Variants in RASAL1 observed in about 807,000 individuals in gnomAD.
RASAL1 encodes rasGAP-activating-like protein 1.
Under a neutral mutation model 96.6 loss-of-function variants are expected in RASAL1, and 72 were observed. That is an observed-to-expected ratio of 0.75 (90% CI 0.62 to 0.91). The LOEUF is 0.91. Ranked by LOEUF, RASAL1 falls within the 40% of genes least tolerant of loss-of-function variation. The pLI is 0.00. For missense variants in RASAL1, 1,016 were observed against 1,072.5 expected, an observed-to-expected ratio of 0.95 and a Z score of 0.74; for synonymous variants, 405 against 430.4, an observed-to-expected ratio of 0.94 and a Z score of 0.73.
At position 113,121,670 on chromosome 12, in the gene RASAL1, C is replaced by T. The variant is rs545413885; in HGVS notation, c.299-32G>A. ...GGCACAGGCACTAACATTTATGAAG[C>T]GCCTACCATGTACTGGGCATTGTGT... On this transcript the variant is annotated intron_variant, in intron 4 of 20. Transcript: ENST00000548055. 41 of 1,612,244 alleles carry T rather than the reference C, an allele frequency of 2.5e-5. No homozygotes were observed. The African/African-American group carries it at 2.9e-4, about 12-fold the overall frequency.
intron 4 of RASAL1, among the ~76,000 whole-genome samples, chr12:113,125,554 T>C (rs2136231733): frequency 6.6e-6 from 1 of 152,352 alleles, no homozygotes; most frequent in Admixed American, 6.5e-5. Context: ...ATATTTCACC[T>C]ATCAGATACA....
At chr12:113,102,050 C>A in intron 18 of RASAL1, 41 bp from the exon 19 acceptor site, 1 of 1,595,478 alleles carries the variant, frequency 6.3e-7, no homozygotes, top group South Asian at 1.1e-5. Context: ...CTCCCTCTCC[C>A]CTTCCAGAAG....
chr12:113,135,306 T>A lies in RASAL1; in HGVS notation c.65+92A>T, dbSNP rs1371946626. On this transcript the variant is annotated intron_variant, in intron 1 of 20. Coordinates refer to ENST00000548055, the MANE Select transcript of RASAL1 (RefSeq NM_001301202.2). This position sits in a 1 kb window ranked among gnomAD's most constrained non-coding sequence, Gnocchi z 5.7. ...CTTGGACAAGAACCCCTCGCCCTCC[T>A]GCCAACCCGCCCTGGCACGCGGAAA... 6.2e-6 allele frequency: 8 copies of A among 1,280,206 alleles called. No homozygotes were observed. Among genetic ancestry groups the A allele is most frequent in the Non-Finnish European group, 8.8e-6 (8 of 912,642 alleles). The allele number at this position is 1,280,206 out of a possible 1,614,324, so 79.3% of individuals were successfully genotyped here. A position where few individuals can be genotyped will look rare whatever the true frequency, so the allele number is the denominator to read the frequency against.
Position 113,099,934 on chromosome 12 carries a change from G to T in RASAL1, c.2413C>A (p.Pro805Thr). Reference sequence around the variant, plus strand: ...GGGCTAGCTCTGGCATTTCCTTAGGGGCCAAGGGGGCCCAGGGCCGCCTTC... The same window carrying T: ...GGGCTAGCTCTGGCATTTCCTTAGGTGCCAAGGGGGCCCAGGGCCGCCTTC... ...RGKAALGPLGP is the reference protein window; with the variant it reads ...RGKAALGPLGT The change falls in exon 21 of 21, where the codon CCC becomes ACC. Residue 805 changes from proline to threonine, a missense_variant. By Grantham distance (38) the Pro-to-Thr change is conservative. Transcript: ENST00000548055. 1 of 1,611,204 alleles carries T rather than the reference G, an allele frequency of 6.2e-7. No individual in the cohort carries two copies. Among genetic ancestry groups the T allele is most frequent in the South Asian group, 1.1e-5 (1 of 90,924 alleles).
rs1951639445 is a variant in RASAL1 at position 113,129,960 on chromosome 12, A to T, written c.122+925T>A. Reference sequence around the variant, plus strand: ...TGTGGGTTTGGGGTGGTGTCAGGGAATGTATCAAGGGGCCAGCATGAGCAC... The same window carrying T: ...TGTGGGTTTGGGGTGGTGTCAGGGATTGTATCAAGGGGCCAGCATGAGCAC... On this transcript the variant is annotated intron_variant, in intron 2 of 20. Transcript: ENST00000548055. This position sits in a 1 kb window ranked among gnomAD's most constrained non-coding sequence, Gnocchi z 5.0. Among the ~76,000 whole-genome samples the T allele has an allele frequency of 6.6e-6, 1 of 152,164 alleles. No homozygotes were observed. Among genetic ancestry groups the T allele is most frequent in the African/African-American group, 2.4e-5 (1 of 41,446 alleles).
chr12:113,119,478 G>A (rs367591172), intron 5 of RASAL1, 35 bp from the exon 6 acceptor site: 26 of 1,569,714 alleles, frequency 1.7e-5, no homozygotes, highest in East Asian at 2.3e-5. Context: ...GAGGAAACAC[G>A]GCACCCAAGT....
rs1476419947 is a variant in RASAL1 at position 113,130,222 on chromosome 12, G to A, written c.122+663C>T. Among the ~76,000 whole-genome samples, 1 of 152,176 alleles carries A rather than the reference G, an allele frequency of 6.6e-6. No individual in the cohort carries two copies. The highest frequency in any genetic ancestry group is 2.4e-5 in the African/African-American group (1 of 41,430). ...GGGGGTGGGAGCCAAGCAGGGCGCA[G>A]CCTGATATCCCCCTGCGAGACTCAC... On this transcript the variant is annotated intron_variant, in intron 2 of 20. Transcript: ENST00000548055. The surrounding 1 kb of genome is among the most constrained non-coding windows in gnomAD (Gnocchi z 5.1).
intron 12 of RASAL1, 151 bp downstream of exon 12, chr12:113,114,649 C>T (rs1329435891): frequency 1.3e-5 from 9 of 688,866 alleles, no homozygotes; most frequent in African/African-American, 3.5e-5. Context: ...GGTTTAAGGG[C>T]TTGTGTGTGA....
In RASAL1 at chr12:113,115,832, C is replaced by T; in HGVS notation, c.850-44G>A. 6 of 1,610,924 alleles carry T rather than the reference C, an allele frequency of 3.7e-6. No homozygotes were observed. The highest frequency in any genetic ancestry group is 5.1e-6 in the Non-Finnish European group (6 of 1,178,170). ...CAAAGATGACCTCGGCCCCTGGGAC[C>T]CCAAAGCAGATGGGCCTAGATAGGG... On this transcript the variant is annotated intron_variant, in intron 9 of 20. Transcript: ENST00000548055. The surrounding 1 kb of genome is among the most constrained non-coding windows in gnomAD (Gnocchi z 4.1).
intron 1 of RASAL1, among the ~76,000 whole-genome samples, chr12:113,133,765 C>T (rs971532651): frequency 6.6e-6 from 1 of 152,228 alleles, no homozygotes; most frequent in African/African-American, 2.4e-5. Flanking sequence ...AGAACCCCCC[C>T]TGCCAGCTGG....
At chr12:113,114,951 C>T (rs376963321) in intron 11 of RASAL1, 39 bp from the exon 12 acceptor site, 45 of 1,522,386 alleles carry the variant, frequency 3.0e-5, no homozygotes, top group Middle Eastern at 1.7e-4. Context: ...GGGCTGAGGG[C>T]GAGGCCGGGG....
rs1173413900 is a variant in RASAL1, at chr12:113,129,330, T to C, written c.123-1152A>G. On this transcript the variant is annotated intron_variant, in intron 2 of 20. Transcript: ENST00000548055. The surrounding 1 kb of genome is among the most constrained non-coding windows in gnomAD (Gnocchi z 5.0). ...AGTATTCCAGAAGGCTGGAACAGCA[T>C]GGGCAAAGGCCCTGTAGCAGGAATG... is the stretch of plus-strand genomic sequence containing the variant. Among the ~76,000 whole-genome samples the C allele has an allele frequency of 6.6e-6, 1 of 152,126 alleles. No homozygotes were observed. The highest frequency in any genetic ancestry group is 1.5e-5 in the Non-Finnish European group (1 of 68,030).
At chr12:113,132,627 C>T (rs866599160) in intron 1 of RASAL1, among the ~76,000 whole-genome samples, 5 of 152,214 alleles carry the variant, frequency 3.3e-5, no homozygotes, top group Admixed American at 6.5e-5. Context: ...CCACAAATGC[C>T]TCTGGGATGC....
At chr12:113,103,490 C>T (rs1039301595) in intron 18 of RASAL1, among the ~76,000 whole-genome samples, 5 of 151,890 alleles carry the variant, frequency 3.3e-5, no homozygotes, top group African/African-American at 1.2e-4. Context: ...CCTATAAACC[C>T]AGCTAGTCAG....
At chr12:113,127,972 AC>A in intron 3 of RASAL1, 92 bp downstream of exon 3, 1 of 1,559,900 alleles carries the variant, frequency 6.4e-7, no homozygotes, top group Non-Finnish European at 8.8e-7. Flanking sequence ...GGGAGGGCAC[AC>A]CCTCGTGGGC....
chr12:113,127,890 A>C lies in RASAL1; in HGVS notation c.237-17T>G. ...TCGTCGTGCCTGCAGGAAGGCGGGCACGTGAAGGTCTGAGTCAGGGGCCCC... is the reference window on the plus strand; with the variant it reads ...TCGTCGTGCCTGCAGGAAGGCGGGCCCGTGAAGGTCTGAGTCAGGGGCCCC... On this transcript the variant is annotated splice_polypyrimidine_tract_variant and intron_variant, in intron 3 of 20. Transcript: ENST00000548055. 1 of 1,612,382 alleles carries C rather than the reference A, an allele frequency of 6.2e-7. No homozygotes were observed. The highest frequency in any genetic ancestry group is 8.5e-7 in the Non-Finnish European group (1 of 1,178,792).
chr12:113,108,623 G>A (rs1312847148), intron 13 of RASAL1, among the ~76,000 whole-genome samples: 1 of 152,140 alleles, frequency 6.6e-6, no homozygotes, highest in African/African-American at 2.4e-5. Flanking sequence ...ACCCAGACCT[G>A]TGATTTATGA....
At chr12:113,123,015 T>C (rs970936258) in intron 4 of RASAL1, among the ~76,000 whole-genome samples, 7 of 152,236 alleles carry the variant, frequency 4.6e-5, no homozygotes, top group African/African-American at 1.7e-4. Context: ...CCTTTAACTA[T>C]GAATAATCTG....
intron 18 of RASAL1, among the ~76,000 whole-genome samples, chr12:113,103,351 A>G (rs1366647476): frequency 6.6e-6 from 1 of 152,076 alleles, no homozygotes; most frequent in Non-Finnish European, 1.5e-5. Flanking sequence ...CAGGCCTGTA[A>G]TCCCAACACT....
Sources: allele counts gnomAD v4.1 joint callset (sites outside exome capture counted in the v4.1 genomes callset), GRCh38; gene constraint gnomAD v4.1.1; non-coding constraint Gnocchi (gnomAD v3.1); transcripts MANE v1.5; gene names NCBI Gene and HGNC (gene_info 2026-07-23, HGNC 2026-07-21).